The following DOCK1 variants were observed in gnomAD, a reference collection of about 807,000 sequenced individuals.
DOCK1 encodes dedicator of cytokinesis protein 1.
DOCK1 carries 138 observed loss-of-function variants against 262.7 expected under a neutral mutation model. The ratio of observed to expected loss-of-function variants is 0.53; its 90% CI spans 0.46 to 0.61. The LOEUF is 0.61. DOCK1 is among the 20% of genes least tolerant of loss of function. DOCK1 has a pLI of 0.00. For missense variants in DOCK1, 1,908 were observed against 2,370.7 expected (o/e 0.80, Z 4.05); for synonymous variants, 866 against 867.4 (o/e 1.00, Z 0.03).
At chr10:126,923,432 T>C (rs1287394570) in intron 1 of DOCK1, among the ~76,000 whole-genome samples, 2 of 152,152 alleles carry the variant, frequency 1.3e-5, no homozygotes, top group African/African-American at 4.8e-5. Context: ...GAGACCAGCC[T>C]GGCCAACATG....
intron 29 of DOCK1, among the ~76,000 whole-genome samples, chr10:127,270,339 T>C (rs2060517172): frequency 6.6e-6 from 1 of 152,234 alleles, no homozygotes; most frequent in East Asian, 1.9e-4. Flanking sequence ...TGCAGAGCCC[T>C]CCGATGTTTT....
intron 19 of DOCK1, among the ~76,000 whole-genome samples, chr10:127,039,502 C>T (rs1255904077): frequency 1.3e-5 from 2 of 152,182 alleles, no homozygotes; most frequent in Non-Finnish European, 2.9e-5. Context: ...CTAGACATGG[C>T]CTTTACACCT....
intron 27 of DOCK1, among the ~76,000 whole-genome samples, chr10:127,246,965 T>G (rs2059450588): frequency 6.6e-6 from 1 of 152,194 alleles, no homozygotes; most frequent in African/African-American, 2.4e-5. Context: ...ATATATCCTG[T>G]GTTTCTTAAA....
intron 46 of DOCK1, among the ~76,000 whole-genome samples, chr10:127,421,638 A>G (rs924573706): frequency 2.6e-5 from 4 of 151,702 alleles, no homozygotes; most frequent in African/African-American, 9.7e-5. Context: ...TCCTCCCTCC[A>G]CCCACCTCCT....
chr10:127,253,003 G>A (rs1445601014), intron 28 of DOCK1, among the ~76,000 whole-genome samples: 2 of 152,144 alleles, frequency 1.3e-5, no homozygotes, highest in African/African-American at 2.4e-5. Context: ...ACCAGTGACA[G>A]TGAGCATATA....
chr10:127,439,943 C>A (rs1353544977), intron 49 of DOCK1, among the ~76,000 whole-genome samples: 2 of 152,094 alleles, frequency 1.3e-5, no homozygotes, highest in South Asian at 4.2e-4. Context: ...AAGTGCACCA[C>A]ATTGGGAATC....
intron 1 of DOCK1, among the ~76,000 whole-genome samples, chr10:126,947,334 T>C (rs1419979238): frequency 4.1e-5 from 6 of 145,718 alleles, no homozygotes; most frequent in South Asian, 2.3e-4. Flanking sequence ...GTTGGTAGTA[T>C]TACTGTTGGT....
intron 40 of DOCK1, among the ~76,000 whole-genome samples, chr10:127,407,454 A>G (rs1283741213): frequency 6.6e-6 from 1 of 152,126 alleles, no homozygotes; most frequent in South Asian, 2.1e-4. Flanking sequence ...CCCACCTTCT[A>G]ATACTATCAC....
At chr10:127,042,471 T>C (rs1413168276) in intron 19 of DOCK1, among the ~76,000 whole-genome samples, 154 bp from the exon 20 acceptor site, 1 of 152,128 alleles carries the variant, frequency 6.6e-6, no homozygotes, top group African/African-American at 2.4e-5. Context: ...TTTTGTCTTG[T>C]GTATCTAGTG....
intron 50 of DOCK1, among the ~76,000 whole-genome samples, chr10:127,445,209 G>A (rs2070455954): frequency 1.3e-5 from 2 of 152,156 alleles, no homozygotes; most frequent in South Asian, 4.2e-4. Flanking sequence ...CAGGGAGAAG[G>A]TGCTGAGGAT....
rs2042879549 is a variant in DOCK1 at position 127,026,549 on chromosome 10, G to A, written c.1624+125G>A. 3.5e-6 allele frequency: 3 copies of A among 845,398 alleles called. No individual in the cohort carries two copies. In the South Asian group the frequency reaches 4.6e-5, roughly 13 times the overall value. 52.4% of individuals were successfully genotyped at this position (845,398 alleles called of 1,614,324 possible). A position where few individuals can be genotyped will look rare whatever the true frequency, so the allele number is the denominator to read the frequency against. ...ACACAATAAGGCTCATTTCCCACCGGAACCTATTCCTTGGAAACATTCTTC... is the reference window on the plus strand; with the variant it reads ...ACACAATAAGGCTCATTTCCCACCGAAACCTATTCCTTGGAAACATTCTTC... On this transcript the variant is annotated intron_variant, in intron 16 of 51. Coordinates refer to ENST00000623213, the MANE Select transcript of DOCK1 (RefSeq NM_001290223.2).
chr10:127,245,567 C>T lies in DOCK1; in HGVS notation c.2848-2441C>T, dbSNP rs1252228569. 4.6e-5 allele frequency among the ~76,000 whole-genome samples: 7 copies of T among 152,334 alleles called. No individual in the cohort carries two copies. The East Asian group carries it at 5.8e-4, about 13-fold the overall frequency. ...CTTGTTTTATGGAAATTGCTGTGTT[C>T]GCTTCAGTTTTTCGTTTTCTGTGTT... is the stretch of plus-strand genomic sequence containing the variant. On this transcript the variant is annotated intron_variant, in intron 27 of 51. Coordinates refer to ENST00000623213, the MANE Select transcript of DOCK1 (RefSeq NM_001290223.2).
chr10:127,368,140 C>G (rs1368738664), intron 33 of DOCK1, among the ~76,000 whole-genome samples: 1 of 152,222 alleles, frequency 6.6e-6, no homozygotes, highest in Non-Finnish European at 1.5e-5. Context: ...CCATTAGCAT[C>G]AGAGACCTTC....
At chr10:127,227,170 C>T (rs1455046525) in intron 27 of DOCK1, among the ~76,000 whole-genome samples, 1 of 152,182 alleles carries the variant, frequency 6.6e-6, no homozygotes, top group East Asian at 1.9e-4. Flanking sequence ...CGTGGCCAGC[C>T]CTGTTCCTCA....
intron 1 of DOCK1, among the ~76,000 whole-genome samples, chr10:126,942,859 C>T (rs976784678): frequency 2.6e-5 from 4 of 152,120 alleles, no homozygotes; most frequent in Non-Finnish European, 5.9e-5. Context: ...TGTTTCATGA[C>T]CTCAGTATAA....
intron 46 of DOCK1, among the ~76,000 whole-genome samples, chr10:127,424,122 T>A (rs1232652193): frequency 6.6e-6 from 1 of 152,204 alleles, no homozygotes; most frequent in Non-Finnish European, 1.5e-5. Flanking sequence ...ACTCAGGGCA[T>A]CCTCTTATCT....
chr10:127,311,592 T>C (rs1334447558), intron 29 of DOCK1, among the ~76,000 whole-genome samples: 1 of 152,206 alleles, frequency 6.6e-6, no homozygotes, highest in African/African-American at 2.4e-5. Context: ...AAGAATGAAA[T>C]CTGAAACACT....
chr10:127,256,566 C>T (rs1483672645), intron 28 of DOCK1, among the ~76,000 whole-genome samples: 2 of 152,094 alleles, frequency 1.3e-5, no homozygotes, highest in East Asian at 3.9e-4. Context: ...CTCAGAGCAC[C>T]TGTCAAGCTC....
chr10:126,968,085 C>T (rs2037810763), intron 1 of DOCK1, among the ~76,000 whole-genome samples: 1 of 152,154 alleles, frequency 6.6e-6, no homozygotes, highest in African/African-American at 2.4e-5. Flanking sequence ...CAAAAGTAAT[C>T]CCCCCAAAGT....
Sources: gnomAD v4.1 joint callset for allele counts (sites outside exome capture counted in the v4.1 genomes callset) on GRCh38, gnomAD v4.1.1 for gene constraint, MANE v1.5 for transcripts, NCBI Gene and HGNC (gene_info 2026-07-23, HGNC 2026-07-21) for gene names.